The following TENM3 variants were observed in gnomAD, a reference collection of about 807,000 sequenced individuals.
TENM3 encodes teneurin-3.
Under a neutral mutation model 255.1 loss-of-function variants are expected in TENM3, and 63 were observed. That is an observed-to-expected ratio of 0.25 (90% CI 0.20 to 0.30). TENM3 has a LOEUF of 0.30. TENM3 is among the 10% of genes least tolerant of loss of function. The pLI, the probability that TENM3 is intolerant of heterozygous loss-of-function variation, is 1.00. For missense variants in TENM3, 2,929 were observed against 3,461.1 expected, an observed-to-expected ratio of 0.85 and a Z score of 3.86; for synonymous variants, 1,306 against 1,322.3, an observed-to-expected ratio of 0.99 and a Z score of 0.27.
chr4:182,704,945 G>A (rs1020918828), intron 12 of TENM3, among the ~76,000 whole-genome samples: 1 of 151,378 alleles, frequency 6.6e-6, no homozygotes, highest in Non-Finnish European at 1.5e-5. Context: ...ATAATTCTGT[G>A]GTGAAAGAGA....
At chr4:182,305,686 G>A (rs987116072) in intron 1 of TENM3, among the ~76,000 whole-genome samples, 6 of 152,066 alleles carry the variant, frequency 3.9e-5, no homozygotes, top group African/African-American at 1.2e-4. Flanking sequence ...GGCTCTTTGC[G>A]GCCTTCCTGC....
chr4:181,492,462 G>T, the TENM3 span, among the ~76,000 whole-genome samples: 1 of 152,174 alleles, frequency 6.6e-6, no homozygotes, highest in African/African-American at 2.4e-5. Flanking sequence ...TAAGCATTTT[G>T]TAAGTACAGA....
At chr4:182,684,439 C>CAAAAA (rs397996500) in intron 11 of TENM3, among the ~76,000 whole-genome samples, 6 of 69,960 alleles carry the variant, frequency 8.6e-5, no homozygotes, top group African/African-American at 2.9e-4. Context: ...GGCCCCATCA[C>CAAAAA]AAAAAAAAAA....
chr4:181,717,092 A>G, the TENM3 span, among the ~76,000 whole-genome samples: 17 of 152,132 alleles, frequency 1.1e-4, no homozygotes, highest in Non-Finnish European at 2.4e-4. Flanking sequence ...GGATGTATGG[A>G]TTTGAATCTA....
At chr4:181,709,673 G>C in the TENM3 span, among the ~76,000 whole-genome samples, 1 of 152,348 alleles carries the variant, frequency 6.6e-6, no homozygotes, top group East Asian at 1.9e-4. Context: ...GAGGGACAGG[G>C]TCTGGCTGCT....
At chr4:181,986,545 T>C in the TENM3 span, among the ~76,000 whole-genome samples, 10 of 152,034 alleles carry the variant, frequency 6.6e-5, no homozygotes, top group African/African-American at 2.2e-4. Context: ...TTGGTATCAG[T>C]CTCCATGACT....
At chr4:181,529,211 C>T in the TENM3 span, among the ~76,000 whole-genome samples, 2 of 152,166 alleles carry the variant, frequency 1.3e-5, no homozygotes, top group African/African-American at 4.8e-5. Flanking sequence ...CCCCTTATTC[C>T]TCCCCAGCAG....
chr4:182,195,173 G>T (rs1438042595), intron 1 of TENM3, among the ~76,000 whole-genome samples: 1 of 151,978 alleles, frequency 6.6e-6, no homozygotes, highest in Non-Finnish European at 1.5e-5. Flanking sequence ...ACCTATAATG[G>T]ATCCCTTTTT....
the TENM3 span, among the ~76,000 whole-genome samples, chr4:182,011,585 A>T: frequency 6.6e-6 from 1 of 152,192 alleles, no homozygotes; most frequent in South Asian, 2.1e-4. Flanking sequence ...TTCTTAATGT[A>T]GCATACAATA....
the TENM3 span, among the ~76,000 whole-genome samples, chr4:181,562,354 C>T: frequency 1.3e-5 from 2 of 152,052 alleles, no homozygotes; most frequent in African/African-American, 4.8e-5. Context: ...CCAGTTATCA[C>T]TTTAATGTAC....
chr4:182,732,419 C>T (rs917281140), intron 16 of TENM3, among the ~76,000 whole-genome samples: 1 of 152,168 alleles, frequency 6.6e-6, no homozygotes, highest in African/African-American at 2.4e-5. Context: ...AAGAAATAGC[C>T]ATGCATTCCC....
the TENM3 span, among the ~76,000 whole-genome samples, chr4:181,543,363 T>C: frequency 1.3e-5 from 2 of 150,000 alleles, no homozygotes; most frequent in African/African-American, 4.9e-5. Flanking sequence ...GGAGGAGGAG[T>C]AGGAGGAGAA....
intron 1 of TENM3, among the ~76,000 whole-genome samples, chr4:182,285,996 TG>T (rs1304554939): frequency 2.0e-5 from 3 of 152,188 alleles, no homozygotes; most frequent in Admixed American, 6.5e-5. Flanking sequence ...AGGGCTTTGC[TG>T]GGCGTCCCCA....
chr4:182,636,176 A>G (rs1435977949), intron 5 of TENM3, among the ~76,000 whole-genome samples: 2 of 152,222 alleles, frequency 1.3e-5, no homozygotes, highest in Admixed American at 6.5e-5. Context: ...TAATACTAAC[A>G]TGATTTCATC....
intron 1 of TENM3, among the ~76,000 whole-genome samples, chr4:182,216,889 C>G (rs2084592): frequency 0.55 from 84,183 of 151,880 alleles, 23,978 homozygotes; most frequent in Non-Finnish European, 0.63. Flanking sequence ...TTAAAGAACT[C>G]CATTGATCAT....
At chr4:182,052,299 T>C in the TENM3 span, among the ~76,000 whole-genome samples, 7 of 152,064 alleles carry the variant, frequency 4.6e-5, no homozygotes, top group Admixed American at 2.6e-4. Flanking sequence ...ATTTGGGTCA[T>C]GTCATCAGAA....
the TENM3 span, among the ~76,000 whole-genome samples, chr4:181,852,035 A>C: frequency 6.6e-6 from 1 of 152,320 alleles, no homozygotes; most frequent in Non-Finnish European, 1.5e-5. Flanking sequence ...TTCTGACCAA[A>C]CCAAAAGAGA....
chr4:182,105,889 A>G, the TENM3 span, among the ~76,000 whole-genome samples: 1 of 152,338 alleles, frequency 6.6e-6, no homozygotes, highest in East Asian at 1.9e-4. Flanking sequence ...AGTGTATGTC[A>G]CTCAGGTGAA....
chr4:181,853,217 A>T, the TENM3 span, among the ~76,000 whole-genome samples: 4 of 152,252 alleles, frequency 2.6e-5, no homozygotes, highest in Admixed American at 2.6e-4. Flanking sequence ...CATGAGTTAG[A>T]TGCATGATCT....
Sources: allele counts gnomAD v4.1 joint callset (sites outside exome capture counted in the v4.1 genomes callset), GRCh38; gene constraint gnomAD v4.1.1; transcripts MANE v1.5; gene names NCBI Gene and HGNC (gene_info 2026-07-23, HGNC 2026-07-21).